RAPGEF2: variants seen among roughly 807,000 people sequenced by gnomAD.
The protein encoded by RAPGEF2 is PDZ domain containing guanine nucleotide exchange factor (GEF) 1.
Under a neutral mutation model 186.7 loss-of-function variants are expected in RAPGEF2, and 54 were observed. That is an observed-to-expected ratio of 0.29 (90% CI 0.23 to 0.36). The LOEUF is 0.36. Ranked by LOEUF, RAPGEF2 falls within the 10% of genes least tolerant of loss-of-function variation. The pLI is 1.00. For missense variants in RAPGEF2, 1,532 were observed against 2,045.0 expected, an observed-to-expected ratio of 0.75 and a Z score of 4.84; for synonymous variants, 712 against 705.9, an observed-to-expected ratio of 1.01 and a Z score of -0.14.
At position 159,114,491 on chromosome 4, in the gene RAPGEF2, C is replaced by G. The variant is rs561132169; in HGVS notation, c.69+10260C>G. Reference sequence around the variant, plus strand: ...GGCTCAAGCGATCTTCTCCTCTCGGCCTCCCAAAGTGCTGGGATTATAGGT... The same window carrying G: ...GGCTCAAGCGATCTTCTCCTCTCGGGCTCCCAAAGTGCTGGGATTATAGGT... On this transcript the variant is annotated intron_variant, in intron 1 of 29. Transcript: ENST00000691494. Among the ~76,000 whole-genome samples the G allele has an allele frequency of 1.8e-3, 278 of 152,268 alleles. 1 individual carries two copies. The highest frequency in any genetic ancestry group is 3.1e-3 in the Admixed American group (47 of 15,294).
chr4:159,345,867 A>G (rs1373318556), intron 24 of RAPGEF2, among the ~76,000 whole-genome samples: 1 of 150,118 alleles, frequency 6.7e-6, no homozygotes, highest in East Asian at 1.9e-4. Context: ...TTTTTTTTCT[A>G]AATCTGCATC....
chr4:159,169,583 G>GC lies in RAPGEF2; in HGVS notation c.70-17052dup, dbSNP rs551622835. On this transcript the variant is annotated intron_variant, in intron 1 of 29. Transcript: ENST00000691494. ...TCATTTGATCAACATCTCCCCAACA[G>GC]CCCCCCCTCCCCAGCCCCTTGTGAC... 7.2e-3 allele frequency among the ~76,000 whole-genome samples: 1,081 copies of GC among 150,632 alleles called. 5 individuals carry two copies. Among genetic ancestry groups the GC allele is most frequent in the African/African-American group, 0.013 (542 of 40,938 alleles).
intron 7 of RAPGEF2, chr4:159,268,103 G>C: frequency 1.3e-6 from 2 of 1,591,726 alleles, no homozygotes; most frequent in South Asian, 2.3e-5. Context: ...ACTTGCCATC[G>C]TGAGAGATTG....
At chr4:159,352,638 T>C in intron 26 of RAPGEF2, 47 bp from the exon 27 acceptor site, 1 of 1,465,574 alleles carries the variant, frequency 6.8e-7, no homozygotes, top group Non-Finnish European at 9.5e-7. Flanking sequence ...CCCTTTGATG[T>C]TATAAACCTA....
intron 12 of RAPGEF2, 37 bp from the exon 13 acceptor site, chr4:159,330,281 GTGTGTGTGTGTGTGTA>G: frequency 4.7e-6 from 4 of 857,782 alleles, no homozygotes; most frequent in Non-Finnish European, 7.4e-6. Context: ...GTGTGTGTGT[GTGTGTGTGTGTGTGTA>G]TATATATGTA....
At chr4:159,311,173 C>T (rs1763911526) in intron 8 of RAPGEF2, among the ~76,000 whole-genome samples, 1 of 152,038 alleles carries the variant, frequency 6.6e-6, no homozygotes, top group African/African-American at 2.4e-5. Flanking sequence ...TACTAACTTG[C>T]TGAATTGATA....
At position 159,341,579 on chromosome 4, in the gene RAPGEF2, C is replaced by A. The variant is rs1457879106; in HGVS notation, c.2550C>A (p.Asn850Lys). 3 of 1,594,568 alleles carry A rather than the reference C, an allele frequency of 1.9e-6. No homozygotes were observed. The South Asian group carries it at 3.5e-5, about 18-fold the overall frequency. ...IQLSGRYYLK[N>K]NMETETLCSD... ...TTTTTCATAGGTATTATCTGAAAAA[C>A]AACATGGAAACAGAAACTCTTTGTT... The change falls in exon 20 of 30, where the codon AAC becomes AAA. Residue 850 changes from asparagine (N) to lysine (K), a missense_variant. Coordinates refer to ENST00000691494, the MANE Select transcript of RAPGEF2 (RefSeq NM_001394067.2).
At chr4:159,176,281 A>G (rs1746444153) in intron 1 of RAPGEF2, among the ~76,000 whole-genome samples, 1 of 152,144 alleles carries the variant, frequency 6.6e-6, no homozygotes, top group Admixed American at 6.6e-5. Context: ...TGCTTGACAC[A>G]GTGTTAGCAG....
intron 7 of RAPGEF2, among the ~76,000 whole-genome samples, chr4:159,248,296 A>G (rs1754891453): frequency 6.6e-6 from 1 of 152,214 alleles, no homozygotes; most frequent in South Asian, 2.1e-4. Flanking sequence ...AATGGAAAAG[A>G]GGATGAAGAG....
intron 7 of RAPGEF2, among the ~76,000 whole-genome samples, chr4:159,290,459 G>C (rs1466676068): frequency 2.6e-5 from 4 of 152,184 alleles, no homozygotes; most frequent in African/African-American, 9.7e-5. Flanking sequence ...ACATCAGTAT[G>C]CATACACATA....
At chr4:159,330,791 T>C (rs1041576678) in intron 13 of RAPGEF2, 1 of 307,576 alleles carries the variant, frequency 3.3e-6, no homozygotes, top group Admixed American at 5.4e-5. Context: ...TGTTAAAACA[T>C]AAACATCTGG....
Position 159,358,104 on chromosome 4 carries a change from G to A in RAPGEF2, c.4958-10G>A, listed in dbSNP as rs199542283. 64 of 1,611,464 alleles carry A rather than the reference G, an allele frequency of 4.0e-5. 1 individual carries two copies. Among genetic ancestry groups the A allele is most frequent in the South Asian group, 2.0e-4 (18 of 90,300 alleles). On this transcript the variant is annotated splice_polypyrimidine_tract_variant and intron_variant, in intron 29 of 29. Transcript: ENST00000691494. ...CATTGATTTCTTTTTCTTCCCTGCT[G>A]TATTTGCAGAAGATGAACAAGTTTC...
intron 1 of RAPGEF2, among the ~76,000 whole-genome samples, chr4:159,126,623 C>T (rs1403982775): frequency 2.0e-5 from 3 of 151,910 alleles, no homozygotes; most frequent in Non-Finnish European, 4.4e-5. Context: ...TGGATAAACA[C>T]TCCTCTTTGC....
intron 19 of RAPGEF2, 37 bp from the exon 20 acceptor site, chr4:159,341,527 T>C (rs1431929802): frequency 6.5e-7 from 1 of 1,532,630 alleles, no homozygotes; most frequent in Non-Finnish European, 8.7e-7. Flanking sequence ...AGATTGCTGC[T>C]TAGGCTTTGA....
At chr4:159,162,243 A>G (rs1042518333) in intron 1 of RAPGEF2, among the ~76,000 whole-genome samples, 2 of 143,330 alleles carry the variant, frequency 1.4e-5, no homozygotes, top group Non-Finnish European at 3.1e-5. Context: ...AAAAAAAAAT[A>G]GCTGGATGTG....
chr4:159,151,858 G>C (rs2111192978), intron 1 of RAPGEF2, among the ~76,000 whole-genome samples: 1 of 152,304 alleles, frequency 6.6e-6, no homozygotes, highest in East Asian at 1.9e-4. Flanking sequence ...TTGATGGAAT[G>C]AGAAAAGGGC....
At chr4:159,107,442 G>C (rs1235741901) in intron 1 of RAPGEF2, among the ~76,000 whole-genome samples, 3 of 152,114 alleles carry the variant, frequency 2.0e-5, no homozygotes, top group Non-Finnish European at 4.4e-5. Context: ...CTTCTGTAGA[G>C]TGTCTAAATG....
At chr4:159,168,659 A>G (rs1745584961) in intron 1 of RAPGEF2, among the ~76,000 whole-genome samples, 1 of 152,204 alleles carries the variant, frequency 6.6e-6, no homozygotes, top group Non-Finnish European at 1.5e-5. Context: ...TATACTTTGA[A>G]AACGACACCT....
intron 7 of RAPGEF2, among the ~76,000 whole-genome samples, chr4:159,271,284 A>G (rs893275391): frequency 3.9e-5 from 6 of 152,198 alleles, no homozygotes; most frequent in Non-Finnish European, 7.3e-5. Context: ...GGTGCTATCA[A>G]ACTGATAACA....
Sources: gnomAD v4.1 joint callset for allele counts (sites outside exome capture counted in the v4.1 genomes callset) on GRCh38, gnomAD v4.1.1 for gene constraint, MANE v1.5 for transcripts, NCBI Gene and HGNC (gene_info 2026-07-23, HGNC 2026-07-21) for gene names.